PCLO: variants seen among roughly 807,000 people sequenced by gnomAD.
PCLO encodes protein piccolo.
Under a neutral mutation model 427.5 loss-of-function variants are expected in PCLO, and 82 were observed. The ratio of observed to expected loss-of-function variants is 0.19; its 90% CI spans 0.16 to 0.23. The LOEUF (loss-of-function observed/expected upper bound fraction) is 0.23, where lower values mean the gene tolerates loss of function less well. Ranked by LOEUF, PCLO falls within the 10% of genes least tolerant of loss-of-function variation. The pLI, the probability that PCLO is intolerant of heterozygous loss-of-function variation, is 1.00. For synonymous variants in PCLO, 2,357 were observed against 2,155.4 expected (o/e 1.09, Z -2.59); for missense variants, 6,239 against 6,115.9 (o/e 1.02, Z -0.67).
At position 83,134,883 on chromosome 7, in the gene PCLO, G is replaced by A. The variant is rs373221108; in HGVS notation, c.2667C>T (p.Val889=). 9.3e-6 allele frequency: 15 copies of A among 1,604,602 alleles called. No individual in the cohort carries two copies. In the African/African-American group the frequency reaches 1.9e-4, roughly 20 times the overall value. ...GCTTTGGGGACTGTTGAGGTGTGGG[G>A]ACAGTTTGGCCAGCGGTAGGTCGTG... ...PGPRPTAGQT[V]PTPQQSPKPQ... is the part of the protein sequence containing the mutation. Residue 889 remains valine (V), a synonymous_variant, in exon 3 of 25, where the codon GTC becomes GTT. Transcript: ENST00000333891.
At position 83,066,947 on chromosome 7, in the gene PCLO, C is replaced by T. The variant is rs554041493; in HGVS notation, c.3300+67303G>A. On this transcript the variant is annotated intron_variant, in intron 3 of 24. Transcript: ENST00000333891. ...CCAAAATTTGAAATGTTCCAAAATC[C>T]CAAAATGTTTAGTGCTGACATGACA... 5.3e-5 allele frequency among the ~76,000 whole-genome samples: 8 copies of T among 152,096 alleles called. No homozygotes were observed. In the South Asian group the frequency reaches 1.5e-3, roughly 28 times the overall value.
intron 9 of PCLO, among the ~76,000 whole-genome samples, chr7:82,893,540 T>C (rs962640857): frequency 4.6e-5 from 7 of 151,918 alleles, no homozygotes; most frequent in Non-Finnish European, 7.4e-5. Flanking sequence ...ACCTTCACGT[T>C]GTGCACATGT....
At chr7:82,790,118 C>G (rs1182236201) in intron 22 of PCLO, among the ~76,000 whole-genome samples, 1 of 152,108 alleles carries the variant, frequency 6.6e-6, no homozygotes, top group Non-Finnish European at 1.5e-5. Context: ...ACCTCTGCCC[C>G]TGCTTGCATT....
chr7:82,939,541 T>C (rs193140763), intron 6 of PCLO, among the ~76,000 whole-genome samples: 25 of 151,664 alleles, frequency 1.6e-4, no homozygotes, highest in Admixed American at 1.2e-3. Context: ...TGTAGAAATA[T>C]ATGTATTTTT....
chr7:82,916,970 T>A, intron 6 of PCLO, 97 bp from the exon 7 acceptor site: 1 of 838,274 alleles, frequency 1.2e-6, no homozygotes, highest in Non-Finnish European at 1.8e-6. Flanking sequence ...TGATTTCATG[T>A]ATGATTTTGC....
intron 4 of PCLO, among the ~76,000 whole-genome samples, chr7:82,961,198 GA>G: frequency 6.6e-6 from 1 of 152,246 alleles, no homozygotes; most frequent in East Asian, 1.9e-4. Flanking sequence ...TCTGCATCAG[GA>G]AAACTGACTA....
intron 13 of PCLO, among the ~76,000 whole-genome samples, chr7:82,844,144 C>G (rs1792439609): frequency 6.6e-6 from 1 of 151,980 alleles, no homozygotes; most frequent in Admixed American, 6.6e-5. Context: ...AACATAGAAA[C>G]ATCTACAAAA....
intron 22 of PCLO, among the ~76,000 whole-genome samples, chr7:82,795,503 G>GT (rs1170020309): frequency 4.6e-5 from 7 of 152,112 alleles, no homozygotes; most frequent in Admixed American, 1.3e-4. Flanking sequence ...AATTTAAAAT[G>GT]TTTTTTCATG....
chr7:83,115,984 ACG>A (rs1051355844), intron 3 of PCLO, among the ~76,000 whole-genome samples: 183 of 152,058 alleles, frequency 1.2e-3, no homozygotes, highest in African/African-American at 4.2e-3. Context: ...ACACACACAC[ACG>A]CACACATATA....
At chr7:82,926,730 T>C (rs1295593643) in intron 6 of PCLO, among the ~76,000 whole-genome samples, 1 of 152,172 alleles carries the variant, frequency 6.6e-6, no homozygotes, top group Non-Finnish European at 1.5e-5. Flanking sequence ...TGCCAGTCTG[T>C]GTGACACTTA....
At chr7:83,050,319 C>A (rs1241069960) in intron 3 of PCLO, among the ~76,000 whole-genome samples, 3 of 130,374 alleles carry the variant, frequency 2.3e-5, no homozygotes, top group Non-Finnish European at 4.9e-5. Context: ...ACTTTCTAAA[C>A]CAATTAGAAT....
At chr7:83,118,238 A>G (rs189093788) in intron 3 of PCLO, among the ~76,000 whole-genome samples, 23 of 152,340 alleles carry the variant, frequency 1.5e-4, no homozygotes, top group Admixed American at 9.8e-4. Context: ...TATAACATAA[A>G]TGTGAAAAAT....
chr7:83,088,624 C>G (rs985479828), intron 3 of PCLO, among the ~76,000 whole-genome samples: 1 of 152,156 alleles, frequency 6.6e-6, no homozygotes, highest in South Asian at 2.1e-4. Flanking sequence ...CTCACTGATT[C>G]ATCATTTTTC....
intron 20 of PCLO, among the ~76,000 whole-genome samples, chr7:82,818,824 CA>C (rs1791730765): frequency 6.6e-6 from 1 of 152,072 alleles, no homozygotes; most frequent in African/African-American, 2.4e-5. Flanking sequence ...AAATGGATGA[CA>C]AAACACTCTG....
At position 83,057,317 on chromosome 7, in the gene PCLO, C is replaced by CAT. The variant is rs1236982874; in HGVS notation, c.3300+76931_3300+76932dup. ...TGAAGGAAAATAATCATTATATATA[C>CAT]ATATATATATATATATATATATATA... On this transcript the variant is annotated intron_variant, in intron 3 of 24. Coordinates refer to ENST00000333891, the MANE Select transcript of PCLO (RefSeq NM_033026.6). Among the ~76,000 whole-genome samples, 245 of 25,872 alleles carry CAT rather than the reference C, an allele frequency of 9.5e-3. 3 individuals carry two copies. Among genetic ancestry groups the CAT allele is most frequent in the Non-Finnish European group, 0.012 (189 of 16,098 alleles). The allele number at this position is 25,872 out of a possible 152,430, so 17.0% of individuals were successfully genotyped here.
chr7:82,760,941 G>GTTTTTTTT (rs1324417909), intron 23 of PCLO, among the ~76,000 whole-genome samples, 157 bp from the exon 24 acceptor site: 1 of 87,982 alleles, frequency 1.1e-5, no homozygotes, highest in African/African-American at 3.9e-5. Context: ...TAAAAGATAT[G>GTTTTTTTT]TCTTTTTTTT....
chr7:82,900,038 CACA>C (rs1335495794), intron 9 of PCLO, among the ~76,000 whole-genome samples: 2 of 151,484 alleles, frequency 1.3e-5, no homozygotes, highest in Non-Finnish European at 1.5e-5. Flanking sequence ...TAATTACTTC[CACA>C]ACAAGAGCCC....
At chr7:82,768,846 T>C (rs1472529631) in intron 22 of PCLO, among the ~76,000 whole-genome samples, 2 of 152,168 alleles carry the variant, frequency 1.3e-5, no homozygotes, top group Admixed American at 1.3e-4. Context: ...TCTATATGCA[T>C]ACATTTGTAC....
intron 20 of PCLO, among the ~76,000 whole-genome samples, chr7:82,818,244 C>T (rs1337311613): frequency 6.6e-6 from 1 of 152,090 alleles, no homozygotes; most frequent in Non-Finnish European, 1.5e-5. Context: ...TTCCTTTTGA[C>T]TCACTCCATA....
Sources: allele counts gnomAD v4.1 joint callset (sites outside exome capture counted in the v4.1 genomes callset), GRCh38; gene constraint gnomAD v4.1.1; transcripts MANE v1.5; gene names NCBI Gene and HGNC (gene_info 2026-07-23, HGNC 2026-07-21).